The following GPRASP3 variants were observed in gnomAD, a reference collection of about 807,000 sequenced individuals.
GPRASP3 encodes G protein-coupled receptor associated sorting protein 3.
At chrX:102,750,005 A>C in the GPRASP3 span, 4 of 1,200,389 alleles carry the variant, frequency 3.3e-6, no homozygotes, top group Non-Finnish European at 4.5e-6. Context: ...TCAACTACTG[A>C]TCCTCTTATT....
the GPRASP3 span, among the ~76,000 whole-genome samples, chrX:102,725,425 G>A: frequency 8.9e-6 from 1 of 111,794 alleles, no homozygotes; most frequent in Non-Finnish European, 1.9e-5. Flanking sequence ...CCTTTTTGAA[G>A]TCTGATACCT....
chrX:102,750,220 T>G, the GPRASP3 span: 1 of 1,201,710 alleles, frequency 8.3e-7, no homozygotes, highest in Non-Finnish European at 1.1e-6. Context: ...TAAGCATATG[T>G]GTAAAGAAAC....
chrX:102,733,026 G>A, the GPRASP3 span, among the ~76,000 whole-genome samples: 1 of 112,389 alleles, frequency 8.9e-6, no homozygotes, highest in Admixed American at 9.4e-5. Flanking sequence ...TATAAGTCAA[G>A]CTTGATTCCT....
At chrX:102,751,172 A>C in the GPRASP3 span, 1 of 124,314 alleles carries the variant, frequency 8.0e-6, no homozygotes, top group African/African-American at 3.2e-5. Context: ...CGCAACACAG[A>C]AATGACTCAG....
the GPRASP3 span, among the ~76,000 whole-genome samples, chrX:102,734,034 G>A: frequency 1.8e-5 from 2 of 111,166 alleles, no homozygotes; most frequent in Non-Finnish European, 3.8e-5. Flanking sequence ...GATGAGCCAG[G>A]AGAAGGAATT....
At chrX:102,745,835 G>C in the GPRASP3 span, 1 of 111,413 alleles carries the variant, frequency 9.0e-6, no homozygotes, top group Non-Finnish European at 1.9e-5. Flanking sequence ...GTCCGCGGGG[G>C]TCCTCCTGAG....
chrX:102,747,671 G>C, the GPRASP3 span: 3 of 111,976 alleles, frequency 2.7e-5, no homozygotes, highest in Non-Finnish European at 5.6e-5. Flanking sequence ...GGGGTGATTA[G>C]GGAATCATTG....
the GPRASP3 span, chrX:102,749,502 G>C: frequency 8.3e-7 from 1 of 1,211,800 alleles, no homozygotes; most frequent in Non-Finnish European, 1.1e-6. Context: ...AGGAGGAGGA[G>C]GAAGAGAATG....
chrX:102,749,321 C>T, the GPRASP3 span: 1 of 1,211,813 alleles, frequency 8.3e-7, no homozygotes, highest in Non-Finnish European at 1.1e-6. Flanking sequence ...GGTACTGATG[C>T]CTGGTTCTGG....
chrX:102,737,431 G>A, the GPRASP3 span, among the ~76,000 whole-genome samples: 1 of 112,244 alleles, frequency 8.9e-6, no homozygotes, highest in Non-Finnish European at 1.9e-5. Context: ...GTCTACAAAG[G>A]TAGCTTCGAC....
the GPRASP3 span, among the ~76,000 whole-genome samples, chrX:102,730,675 C>T: frequency 4.5e-5 from 5 of 111,325 alleles, no homozygotes; most frequent in East Asian, 1.4e-3. Context: ...CCACATGATG[C>T]AAGGGAAAAG....
chrX:102,745,192 A>G, the GPRASP3 span, among the ~76,000 whole-genome samples: 220 of 110,694 alleles, frequency 2.0e-3, 1 homozygote, highest in African/African-American at 7.0e-3. Context: ...AAGAGAGAGG[A>G]CTGTTACGAC....
chrX:102,735,249 CATAA>C, the GPRASP3 span, among the ~76,000 whole-genome samples: 1 of 111,857 alleles, frequency 8.9e-6, no homozygotes, highest in African/African-American at 3.2e-5. Flanking sequence ...GTAAGATTCT[CATAA>C]ACCTTTTATA....
the GPRASP3 span, among the ~76,000 whole-genome samples, chrX:102,740,873 G>A: frequency 4.6e-5 from 5 of 108,280 alleles, no homozygotes; most frequent in Non-Finnish European, 9.6e-5. Context: ...AAAGAAGAAA[G>A]AAAAGAAAAG....
the GPRASP3 span, among the ~76,000 whole-genome samples, chrX:102,735,815 G>C: frequency 8.9e-6 from 1 of 112,687 alleles, no homozygotes; most frequent in African/African-American, 3.2e-5. Context: ...AACTAGGCAA[G>C]AAATCCACAT....
At chrX:102,747,354 A>G in the GPRASP3 span, among the ~76,000 whole-genome samples, 4 of 111,836 alleles carry the variant, frequency 3.6e-5, no homozygotes, top group Non-Finnish European at 5.6e-5. Context: ...TTCTTTTTGT[A>G]GGGCGTGACT....
chrX:102,725,672 A>C, the GPRASP3 span, among the ~76,000 whole-genome samples: 1 of 110,924 alleles, frequency 9.0e-6, no homozygotes, highest in Non-Finnish European at 1.9e-5. Flanking sequence ...GATTACAGGC[A>C]CACACCACTG....
chrX:102,731,201 A>G, the GPRASP3 span, among the ~76,000 whole-genome samples: 2 of 113,177 alleles, frequency 1.8e-5, no homozygotes, highest in Non-Finnish European at 1.9e-5. Context: ...CAAGTTACCA[A>G]CAGTGAATCC....
the GPRASP3 span, chrX:102,747,957 G>A: frequency 8.9e-6 from 1 of 111,996 alleles, no homozygotes; most frequent in Non-Finnish European, 1.9e-5. Flanking sequence ...TTATGGAAAG[G>A]CTGTTGCCAA....
Sources: allele counts gnomAD v4.1 joint callset (sites outside exome capture counted in the v4.1 genomes callset), GRCh38; gene constraint gnomAD v4.1.1; transcripts MANE v1.5; gene names NCBI Gene and HGNC (gene_info 2026-07-23, HGNC 2026-07-21).